MAML1: variants seen among roughly 807,000 people sequenced by gnomAD.
The protein encoded by MAML1 is mastermind-like protein 1.
A neutral mutation model predicts 77.1 loss-of-function variants in MAML1; 14 were observed. The observed-to-expected ratio is 0.18, with a 90% CI of 0.12 to 0.28. The LOEUF (loss-of-function observed/expected upper bound fraction) is 0.28, where lower values mean the gene tolerates loss of function less well. Among genes scored for constraint, MAML1 ranks in the 10% least tolerant of loss-of-function variants. The pLI is 1.00. For missense variants in MAML1, 1,217 were observed against 1,327.8 expected (o/e 0.92, Z 1.30); for synonymous variants, 516 against 551.9 (o/e 0.93, Z 0.91).
At chr5:179,753,330 A>G (rs968921712) in intron 1 of MAML1, among the ~76,000 whole-genome samples, 7 of 152,126 alleles carry the variant, frequency 4.6e-5, no homozygotes, top group African/African-American at 1.4e-4. Context: ...AAACCAGTCT[A>G]TCTTGACATC....
At chr5:179,736,509 C>A (rs1449171542) in intron 1 of MAML1, among the ~76,000 whole-genome samples, 1 of 152,018 alleles carries the variant, frequency 6.6e-6, no homozygotes, top group Non-Finnish European at 1.5e-5. Flanking sequence ...CACTGGCCTC[C>A]CAAAGTGCTG....
intron 1 of MAML1, 79 bp downstream of exon 1, chr5:179,733,506 C>G: frequency 9.8e-7 from 1 of 1,019,204 alleles, no homozygotes; most frequent in Non-Finnish European, 1.2e-6. Flanking sequence ...CGGATCGGGC[C>G]GCTGGGAGAC....
chr5:179,776,437 C>T lies in MAML1; in HGVS notation c.*1560C>T. On this transcript the variant is annotated 3_prime_UTR_variant, in exon 5 of 5. Coordinates refer to ENST00000292599, the MANE Select transcript of MAML1 (RefSeq NM_014757.5). ...CCTTTCTCACTGGGGGTACTTGGAC[C>T]CTCAGATCTTCTTTTCTAATAGCCA... 4.1e-6 allele frequency: 4 copies of T among 985,828 alleles called. No individual in the cohort carries two copies. Among genetic ancestry groups the T allele is most frequent in the Non-Finnish European group, 4.8e-6 (4 of 829,938 alleles). The allele number at this position is 985,828 out of a possible 1,614,324, so 61.1% of individuals were successfully genotyped here. A position where few individuals can be genotyped will look rare whatever the true frequency, so the allele number is the denominator to read the frequency against.
chr5:179,744,988 G>A (rs949453224), intron 1 of MAML1, among the ~76,000 whole-genome samples: 2 of 150,534 alleles, frequency 1.3e-5, no homozygotes, highest in South Asian at 4.2e-4. Flanking sequence ...TGCAAGCTCT[G>A]CCTCCCGTGT....
rs985632400 is a variant in MAML1, at chr5:179,769,835, G to A, written c.1971+746G>A. 3.9e-5 allele frequency among the ~76,000 whole-genome samples: 6 copies of A among 152,206 alleles called. 1 individual carries two copies. The highest frequency in any genetic ancestry group is 2.6e-4 in the Admixed American group (4 of 15,274). ...CCCAAAGTGCTGAGATTACAGGCGT[G>A]AGCCACCACGCCTGGCCTTAAATTA... On this transcript the variant is annotated intron_variant, in intron 3 of 4. Coordinates refer to ENST00000292599, the MANE Select transcript of MAML1 (RefSeq NM_014757.5). This position sits in a 1 kb window ranked among gnomAD's most constrained non-coding sequence, Gnocchi z 4.2.
rs1779870631 is a variant in MAML1, at chr5:179,768,906, G to T, written c.1788G>T (p.Gln596His). 4 of 1,614,042 alleles carry T rather than the reference G, an allele frequency of 2.5e-6. No homozygotes were observed. ...CCCAGGCTACCAGTGTTGGGACCCA[G>T]CCGCCTGCCGTGTCCGTGGCCAGCT... The part of the protein sequence containing the change: ...VQAQATSVGT[Q>H]PPAVSVASSH... The change falls in exon 3 of 5, where the codon CAG becomes CAT. Residue 596 changes from glutamine to histidine, a missense_variant. Transcript: ENST00000292599.
intron 2 of MAML1, among the ~76,000 whole-genome samples, chr5:179,767,095 C>CTTTTT (rs10707656): frequency 2.1e-4 from 21 of 100,934 alleles, no homozygotes; most frequent in African/African-American, 3.5e-4. Flanking sequence ...AGAGGCTTGG[C>CTTTTT]TTTTTTTTTT....
At chr5:179,756,386 C>G (rs1458907702) in intron 1 of MAML1, among the ~76,000 whole-genome samples, 1 of 149,930 alleles carries the variant, frequency 6.7e-6, no homozygotes, top group Non-Finnish European at 1.5e-5. Flanking sequence ...GATCATGCCA[C>G]TGCACTCCAG....
At chr5:179,743,740 AT>A (rs1407502192) in intron 1 of MAML1, among the ~76,000 whole-genome samples, 2 of 152,042 alleles carry the variant, frequency 1.3e-5, no homozygotes, top group Non-Finnish European at 2.9e-5. Context: ...CTTATAATGC[AT>A]TTTTTTGTTT....
At chr5:179,750,629 T>TAA (rs1779470173) in intron 1 of MAML1, among the ~76,000 whole-genome samples, 1 of 152,112 alleles carries the variant, frequency 6.6e-6, no homozygotes, top group Non-Finnish European at 1.5e-5. Flanking sequence ...TCCGGCTAAT[T>TAA]ATTGTATTTT....
intron 1 of MAML1, among the ~76,000 whole-genome samples, chr5:179,753,230 C>CGT (rs1562559820): frequency 9.5e-5 from 14 of 147,580 alleles, no homozygotes; most frequent in Middle Eastern, 3.6e-3. Flanking sequence ...TGTGCGCGCG[C>CGT]GCGCGCGCGT....
chr5:179,733,091 C>T lies in MAML1; in HGVS notation c.-22C>T, dbSNP rs759089049. 3.1e-4 allele frequency: 414 copies of T among 1,335,342 alleles called. No individual in the cohort carries two copies. The highest frequency in any genetic ancestry group is 3.7e-4 in the Non-Finnish European group (387 of 1,042,478). The allele number at this position is 1,335,342 out of a possible 1,614,324, so 82.7% of individuals were successfully genotyped here. ...GCCCCGAGAGGCCCGGCCCCGGGCC[C>T]GGCCCGTGCAGCCCGCGGCCCATGG... On this transcript the variant is annotated 5_prime_UTR_variant, in exon 1 of 5. Coordinates refer to ENST00000292599, the MANE Select transcript of MAML1 (RefSeq NM_014757.5).
At chr5:179,763,076 T>G (rs1779750720) in intron 1 of MAML1, among the ~76,000 whole-genome samples, 1 of 152,184 alleles carries the variant, frequency 6.6e-6, no homozygotes, top group African/African-American at 2.4e-5. Flanking sequence ...ACCCTTTAGA[T>G]TTCCATCTTT....
chr5:179,775,224 T>C lies in MAML1; in HGVS notation c.*347T>C. 3.9e-6 allele frequency: 4 copies of C among 1,036,746 alleles called. No homozygotes were observed. The highest frequency in any genetic ancestry group is 4.6e-6 in the Non-Finnish European group (4 of 863,570). The allele number at this position is 1,036,746 out of a possible 1,614,324, so 64.2% of individuals were successfully genotyped here. A position where few individuals can be genotyped will look rare whatever the true frequency, so the allele number is the denominator to read the frequency against. On this transcript the variant is annotated 3_prime_UTR_variant, in exon 5 of 5. Transcript: ENST00000292599. ...GGGCTTATAAAAATCTGTGCCATCA[T>C]GGTGATTTTATCCAAGACTGCTCCA...
Position 179,769,091 on chromosome 5 carries a change from TAAAAA to T in MAML1, c.1971+3_1971+7del. ...CAACAGCACCTTCTCGCGGAACAGG[TAAAAA>T]GAAAAGTGGAAGGAAACCACCGCTT... On this transcript the variant is annotated splice_donor_5th_base_variant and intron_variant, in intron 3 of 4. Coordinates refer to ENST00000292599, the MANE Select transcript of MAML1 (RefSeq NM_014757.5). The surrounding 1 kb of genome is among the most constrained non-coding windows in gnomAD (Gnocchi z 4.2). 2.5e-6 allele frequency: 4 copies of T among 1,613,554 alleles called. No homozygotes were observed. Among genetic ancestry groups the T allele is most frequent in the Non-Finnish European group, 3.4e-6 (4 of 1,179,642 alleles).
chr5:179,775,939 G>T lies in MAML1; in HGVS notation c.*1062G>T. The T allele has an allele frequency of 1.0e-6, 1 of 985,744 alleles. No homozygotes were observed. Among genetic ancestry groups the T allele is most frequent in the Non-Finnish European group, 1.2e-6 (1 of 829,946 alleles). The allele number at this position is 985,744 out of a possible 1,614,324, so 61.1% of individuals were successfully genotyped here. A position where few individuals can be genotyped will look rare whatever the true frequency, so the allele number is the denominator to read the frequency against. ...GTTTTGGGGAAGGAGGCCGTAGGCC[G>T]GCCCGGAGGAAGCAATTCCACTTGG... On this transcript the variant is annotated 3_prime_UTR_variant, in exon 5 of 5. Coordinates refer to ENST00000292599, the MANE Select transcript of MAML1 (RefSeq NM_014757.5).
Position 179,765,317 on chromosome 5 carries a change from G to A in MAML1, c.316-9G>A. Reference sequence around the variant, plus strand: ...TGTATCTTAAGTCATTCTTTTCAATGTTTTTCAGCATCTTCATGATACAGT... The same window carrying A: ...TGTATCTTAAGTCATTCTTTTCAATATTTTTCAGCATCTTCATGATACAGT... On this transcript the variant is annotated splice_polypyrimidine_tract_variant and intron_variant, in intron 1 of 4. Transcript: ENST00000292599. 1 of 1,571,930 alleles carries A rather than the reference G, an allele frequency of 6.4e-7. No homozygotes were observed. The highest frequency in any genetic ancestry group is 1.2e-5 in the South Asian group (1 of 84,310).
In MAML1 at chr5:179,771,335, C is replaced by A; in HGVS notation, c.2068+92C>A. The A allele has an allele frequency of 9.3e-7, 1 of 1,078,108 alleles. No individual in the cohort carries two copies. Among genetic ancestry groups the A allele is most frequent in the Non-Finnish European group, 1.4e-6 (1 of 705,256 alleles). 66.8% of individuals were successfully genotyped at this position (1,078,108 alleles called of 1,614,324 possible). A position where few individuals can be genotyped will look rare whatever the true frequency, so the allele number is the denominator to read the frequency against. On this transcript the variant is annotated intron_variant, in intron 4 of 4. Coordinates refer to ENST00000292599, the MANE Select transcript of MAML1 (RefSeq NM_014757.5). The surrounding 1 kb of genome is among the most constrained non-coding windows in gnomAD (Gnocchi z 4.7). ...CTGTCTGCCCAGCTCTATGCCTTGA[C>A]TTCATCAGGCTGCATGCATTGTCAT...
intron 1 of MAML1, among the ~76,000 whole-genome samples, chr5:179,749,498 T>C (rs1319063647): frequency 6.6e-6 from 1 of 152,154 alleles, no homozygotes; most frequent in Non-Finnish European, 1.5e-5. Flanking sequence ...TGACCTCTAG[T>C]GATCCACTCA....
Sources: gnomAD v4.1 joint callset for allele counts (sites outside exome capture counted in the v4.1 genomes callset) on GRCh38, gnomAD v4.1.1 for gene constraint, Gnocchi (gnomAD v3.1) non-coding constraint, MANE v1.5 for transcripts, NCBI Gene and HGNC (gene_info 2026-07-23, HGNC 2026-07-21) for gene names.